BCAS3: variants seen among roughly 807,000 people sequenced by gnomAD.
BCAS3 encodes the protein BCAS3 microtubule associated cell migration factor.
A neutral mutation model predicts 116.1 loss-of-function variants in BCAS3; 53 were observed. That is an observed-to-expected ratio of 0.46 (90% CI 0.37 to 0.57). BCAS3 has a LOEUF of 0.57. Among genes scored for constraint, BCAS3 ranks in the 20% least tolerant of loss-of-function variants. The probability of loss-of-function intolerance (pLI) is 0.00; values close to 1 mark genes in which losing one functional copy is unlikely to be tolerated. For missense variants in BCAS3, 917 were observed against 1,165.4 expected (o/e 0.79, Z 3.10); for synonymous variants, 391 against 408.2 (o/e 0.96, Z 0.51).
chr17:60,957,855 GC>G (rs2061221900), intron 14 of BCAS3, among the ~76,000 whole-genome samples: 1 of 152,180 alleles, frequency 6.6e-6, no homozygotes. Context: ...GCTTAGCAAA[GC>G]ACTGGCACAG....
chr17:60,870,166 G>T (rs545411651), intron 8 of BCAS3, among the ~76,000 whole-genome samples: 22 of 152,244 alleles, frequency 1.4e-4, no homozygotes, highest in Admixed American at 4.6e-4. Context: ...TCAATAAATG[G>T]CACATATAAA....
At chr17:60,763,706 C>T (rs930447633) in intron 6 of BCAS3, among the ~76,000 whole-genome samples, 1 of 152,128 alleles carries the variant, frequency 6.6e-6, no homozygotes, top group Non-Finnish European at 1.5e-5. Flanking sequence ...TGATGCTGGC[C>T]TCATAAAATG....
chr17:60,977,494 A>T (rs941309710), intron 14 of BCAS3, among the ~76,000 whole-genome samples: 7 of 148,878 alleles, frequency 4.7e-5, no homozygotes, highest in Non-Finnish European at 7.5e-5. Context: ...CTTTCTTTTT[A>T]TTATTATTAT....
At position 61,364,804 on chromosome 17, in the gene BCAS3, C is replaced by A. The variant is rs79886631; in HGVS notation, c.2426-3523C>A. ...TGAGCTCCAAGCTAAGAATTAGAAACCCTTGTTCCAGATCTGTTGCTCAGA... is the reference window on the plus strand; with the variant it reads ...TGAGCTCCAAGCTAAGAATTAGAAAACCTTGTTCCAGATCTGTTGCTCAGA... On this transcript the variant is annotated intron_variant, in intron 22 of 23. Coordinates refer to ENST00000407086, the MANE Select transcript of BCAS3 (RefSeq NM_017679.5). The surrounding 1 kb of genome is among the most constrained non-coding windows in gnomAD (Gnocchi z 5.4). Among the ~76,000 whole-genome samples the A allele has an allele frequency of 8.0e-3, 1,221 of 152,166 alleles. 7 individuals carry two copies. Among genetic ancestry groups the A allele is most frequent in the East Asian group, 0.018 (94 of 5,174 alleles).
At chr17:60,975,131 A>G (rs535885822) in intron 14 of BCAS3, among the ~76,000 whole-genome samples, 174 of 151,406 alleles carry the variant, frequency 1.1e-3, no homozygotes, top group Middle Eastern at 3.4e-3. Context: ...CCTCCCGAGT[A>G]GCTGGGACTA....
intron 12 of BCAS3, among the ~76,000 whole-genome samples, chr17:60,920,698 G>A (rs558565177): frequency 3.3e-5 from 5 of 152,160 alleles, no homozygotes; most frequent in South Asian, 2.1e-4. Context: ...GTGAAATCCC[G>A]TCTCTACTAA....
intron 22 of BCAS3, among the ~76,000 whole-genome samples, chr17:61,206,910 T>A (rs2081176149): frequency 6.7e-6 from 1 of 150,182 alleles, no homozygotes; most frequent in Admixed American, 6.6e-5. Context: ...TGTTGTTTGT[T>A]TTTTGGTTTT....
At position 61,286,283 on chromosome 17, in the gene BCAS3, C is replaced by A. The variant is rs775776472; in HGVS notation, c.2426-82044C>A. ...GCCGAATATGAGACATTTCCTCTTG[C>A]TTCTGAGTTCTCTGAATCTGCATTT... On this transcript the variant is annotated intron_variant, in intron 22 of 23. Transcript: ENST00000407086. The surrounding 1 kb of genome is among the most constrained non-coding windows in gnomAD (Gnocchi z 4.8). 1.1e-4 allele frequency among the ~76,000 whole-genome samples: 17 copies of A among 152,204 alleles called. No individual in the cohort carries two copies. The highest frequency in any genetic ancestry group is 2.5e-4 in the Non-Finnish European group (17 of 68,032).
intron 22 of BCAS3, among the ~76,000 whole-genome samples, chr17:61,115,173 G>A (rs1017137168): frequency 6.6e-6 from 1 of 152,074 alleles, no homozygotes; most frequent in African/African-American, 2.4e-5. Context: ...TCAGGACATA[G>A]GCATGGGCAA....
intron 22 of BCAS3, among the ~76,000 whole-genome samples, chr17:61,345,315 C>T (rs1436275562): frequency 1.1e-4 from 16 of 152,204 alleles, no homozygotes; most frequent in Admixed American, 9.2e-4. Context: ...TTGTCACTCC[C>T]GCCCTGGGTC....
chr17:60,932,749 A>G (rs947984648), intron 13 of BCAS3, among the ~76,000 whole-genome samples: 11 of 150,828 alleles, frequency 7.3e-5, no homozygotes, highest in African/African-American at 2.4e-4. Flanking sequence ...TCTCAAAAAA[A>G]AAAAAAAAAA....
At chr17:60,679,905 CA>C (rs985242202) in intron 2 of BCAS3, among the ~76,000 whole-genome samples, 9 of 151,858 alleles carry the variant, frequency 5.9e-5, no homozygotes, top group Non-Finnish European at 8.8e-5. Flanking sequence ...TTGGGAGGCC[CA>C]GGCAGGCGGA....
At chr17:61,291,472 G>C (rs1429661923) in intron 22 of BCAS3, among the ~76,000 whole-genome samples, 2 of 152,144 alleles carry the variant, frequency 1.3e-5, no homozygotes, top group African/African-American at 4.8e-5. Flanking sequence ...TGCTAGATTG[G>C]TATGTTGTTT....
At chr17:60,692,472 G>T (rs943538690) in intron 4 of BCAS3, among the ~76,000 whole-genome samples, 1 of 152,216 alleles carries the variant, frequency 6.6e-6, no homozygotes, top group Non-Finnish European at 1.5e-5. Context: ...TCGATCTCCT[G>T]ACCTCGTGAT....
At chr17:61,206,032 C>G (rs1413795531) in intron 22 of BCAS3, among the ~76,000 whole-genome samples, 1 of 152,182 alleles carries the variant, frequency 6.6e-6, no homozygotes, top group Non-Finnish European at 1.5e-5. Context: ...TAAGCACACT[C>G]CTCACTTCTG....
chr17:60,884,463 A>C (rs1399898426), intron 9 of BCAS3, among the ~76,000 whole-genome samples: 1 of 130,698 alleles, frequency 7.7e-6, no homozygotes, highest in Non-Finnish European at 1.6e-5. Flanking sequence ...CTCTGATTTT[A>C]GTTATTTCTT....
At chr17:61,049,557 T>C (rs1305095003) in intron 19 of BCAS3, among the ~76,000 whole-genome samples, 1 of 151,470 alleles carries the variant, frequency 6.6e-6, no homozygotes. Context: ...AAAAGGTCAG[T>C]AAATCCCAAG....
chr17:60,733,168 T>C (rs1197018087), intron 5 of BCAS3, among the ~76,000 whole-genome samples: 1 of 152,254 alleles, frequency 6.6e-6, no homozygotes, highest in Non-Finnish European at 1.5e-5. Context: ...TAGATAAATA[T>C]GTTATTAACC....
chr17:61,071,006 A>G (rs931525003), intron 19 of BCAS3, among the ~76,000 whole-genome samples: 12 of 152,196 alleles, frequency 7.9e-5, no homozygotes, highest in Non-Finnish European at 1.5e-4. Flanking sequence ...TGAACATTTT[A>G]GATCTGTCCC....
Sources: gnomAD v4.1 joint callset for allele counts (sites outside exome capture counted in the v4.1 genomes callset) on GRCh38, gnomAD v4.1.1 for gene constraint, Gnocchi (gnomAD v3.1) non-coding constraint, MANE v1.5 for transcripts, NCBI Gene and HGNC (gene_info 2026-07-23, HGNC 2026-07-21) for gene names.